SLC6A11: variants seen among roughly 807,000 people sequenced by gnomAD.
SLC6A11 encodes sodium- and chloride-dependent GABA transporter 3.
In SLC6A11, 25 loss-of-function variants were observed where a neutral mutation model predicts 74.8. The observed-to-expected ratio is 0.33, with a 90% CI of 0.24 to 0.47. The LOEUF (loss-of-function observed/expected upper bound fraction) is 0.47, where lower values mean the gene tolerates loss of function less well. Among genes scored for constraint, SLC6A11 ranks in the 20% least tolerant of loss-of-function variants. SLC6A11 has a pLI of 1.00. For missense variants in SLC6A11, 574 were observed against 837.0 expected, an observed-to-expected ratio of 0.69 and a Z score of 3.88; for synonymous variants, 330 against 330.2, an observed-to-expected ratio of 1.00 and a Z score of 0.01.
intron 5 of SLC6A11, among the ~76,000 whole-genome samples, chr3:10,847,317 T>C (rs898857264): frequency 1.1e-4 from 17 of 152,164 alleles, no homozygotes; most frequent in African/African-American, 3.9e-4. Context: ...TATAAAGAGG[T>C]ATTTAATGAG....
intron 5 of SLC6A11, among the ~76,000 whole-genome samples, chr3:10,864,827 G>A (rs1694744939): frequency 6.6e-6 from 1 of 152,208 alleles, no homozygotes; most frequent in Non-Finnish European, 1.5e-5. Flanking sequence ...CCAAACAGCT[G>A]TGTGTGCTTC....
At chr3:10,864,257 C>T (rs1469876612) in intron 5 of SLC6A11, among the ~76,000 whole-genome samples, 1 of 151,674 alleles carries the variant, frequency 6.6e-6, no homozygotes, top group Non-Finnish European at 1.5e-5. Context: ...TGACACTATT[C>T]CCTAAGCTCT....
chr3:10,858,029 T>C (rs966695934), intron 5 of SLC6A11, among the ~76,000 whole-genome samples: 3 of 152,212 alleles, frequency 2.0e-5, no homozygotes, highest in African/African-American at 7.2e-5. Flanking sequence ...CTATACTTTT[T>C]CTCCATGTTT....
chr3:10,928,712 G>A (rs539869651), intron 9 of SLC6A11, among the ~76,000 whole-genome samples: 1 of 152,192 alleles, frequency 6.6e-6, no homozygotes, highest in African/African-American at 2.4e-5. Context: ...GAAAGAAAGG[G>A]CAGGGAAGCG....
intron 5 of SLC6A11, among the ~76,000 whole-genome samples, chr3:10,873,592 A>G (rs1260944675): frequency 7.0e-6 from 1 of 142,252 alleles, no homozygotes; most frequent in South Asian, 2.4e-4. Flanking sequence ...ACGCTATCCT[A>G]TCCTATCCTA....
At chr3:10,889,174 C>T (rs773990142) in intron 6 of SLC6A11, among the ~76,000 whole-genome samples, 8 of 152,090 alleles carry the variant, frequency 5.3e-5, no homozygotes, top group Non-Finnish European at 1.2e-4. Flanking sequence ...CTCCCATATA[C>T]ACCCCACACC....
Position 10,925,806 on chromosome 3 carries a change from C to T in SLC6A11, c.1121-198C>T, listed in dbSNP as rs112500885. On this transcript the variant is annotated intron_variant, in intron 8 of 13. Transcript: ENST00000254488. ...CAAGGCCCTTGTTTACCTCTTTCTGCCTCAACTTGCTCATCTGCAAAATGG... is the reference window on the plus strand; with the variant it reads ...CAAGGCCCTTGTTTACCTCTTTCTGTCTCAACTTGCTCATCTGCAAAATGG... 5.9e-5 allele frequency among the ~76,000 whole-genome samples: 9 copies of T among 152,300 alleles called. 1 individual carries two copies. Among genetic ancestry groups the T allele is most frequent in the African/African-American group, 2.2e-4 (9 of 41,550 alleles).
At chr3:10,889,451 C>T (rs1695083158) in intron 6 of SLC6A11, among the ~76,000 whole-genome samples, 1 of 152,140 alleles carries the variant, frequency 6.6e-6, no homozygotes. Context: ...CTGTGCTCTG[C>T]CTGTTCAGCC....
intron 6 of SLC6A11, among the ~76,000 whole-genome samples, 197 bp from the exon 7 acceptor site, chr3:10,911,893 A>T (rs908357645): frequency 6.6e-6 from 1 of 152,188 alleles, no homozygotes; most frequent in Non-Finnish European, 1.5e-5. Flanking sequence ...TTAATTGAGG[A>T]CATTTACACT....
intron 5 of SLC6A11, among the ~76,000 whole-genome samples, chr3:10,872,511 C>T (rs1694839493): frequency 6.6e-6 from 1 of 152,242 alleles, no homozygotes; most frequent in Admixed American, 6.5e-5. Flanking sequence ...TCTGTCTGTG[C>T]TCTTCCATTC....
At chr3:10,862,296 A>C (rs1321895527) in intron 5 of SLC6A11, among the ~76,000 whole-genome samples, 3 of 152,108 alleles carry the variant, frequency 2.0e-5, no homozygotes, top group Non-Finnish European at 4.4e-5. Context: ...TTGGCTGGGC[A>C]CTGTTGGAAT....
intron 6 of SLC6A11, among the ~76,000 whole-genome samples, chr3:10,909,836 A>G (rs1186139283): frequency 1.3e-5 from 2 of 152,238 alleles, no homozygotes; most frequent in Non-Finnish European, 2.9e-5. Context: ...AATTAAAAAT[A>G]CAACCACTTC....
intron 5 of SLC6A11, among the ~76,000 whole-genome samples, chr3:10,849,359 T>C (rs1217173044): frequency 6.6e-6 from 1 of 152,216 alleles, no homozygotes; most frequent in Non-Finnish European, 1.5e-5. Context: ...TCCTATGTCA[T>C]TGTTTTTTTT....
In SLC6A11 at chr3:10,903,729, G is replaced by C. The variant is rs117173911; in HGVS notation, c.892-8361G>C. Among the ~76,000 whole-genome samples the C allele has an allele frequency of 3.2e-4, 48 of 152,240 alleles. No homozygotes were observed. In the East Asian group the frequency reaches 9.1e-3, roughly 29 times the overall value. ...TGCTGCTCATGAGGGCTTCTGGCTGGGTTTCTGAATACTCTCCAGAGTATT... is the reference window on the plus strand; with the variant it reads ...TGCTGCTCATGAGGGCTTCTGGCTGCGTTTCTGAATACTCTCCAGAGTATT... On this transcript the variant is annotated intron_variant, in intron 6 of 13. Coordinates refer to ENST00000254488, the MANE Select transcript of SLC6A11 (RefSeq NM_014229.3).
At chr3:10,837,297 T>A (rs1694379543) in intron 4 of SLC6A11, among the ~76,000 whole-genome samples, 1 of 152,054 alleles carries the variant, frequency 6.6e-6, no homozygotes, top group Non-Finnish European at 1.5e-5. Flanking sequence ...AAGAGTAGGA[T>A]TTTGCAGGGA....
intron 7 of SLC6A11, among the ~76,000 whole-genome samples, chr3:10,917,406 T>C (rs1277326430): frequency 1.3e-5 from 2 of 152,200 alleles, no homozygotes; most frequent in African/African-American, 4.8e-5. Context: ...TGGAGGCTAG[T>C]CATGCCTCTG....
At position 10,915,377 on chromosome 3, in the gene SLC6A11, G is replaced by A. The variant is rs1384743808; in HGVS notation, c.996-2952G>A. Among the ~76,000 whole-genome samples the A allele has an allele frequency of 2.0e-5, 3 of 152,154 alleles. No homozygotes were observed. The highest frequency in any genetic ancestry group is 4.4e-5 in the Non-Finnish European group (3 of 68,044). On this transcript the variant is annotated intron_variant, in intron 7 of 13. Transcript: ENST00000254488. This position sits in a 1 kb window ranked among gnomAD's most constrained non-coding sequence, Gnocchi z 4.3. ...CAGCAGAAGAAAGCAAATCCCCTGGGTGGCAATGCAAAAATTAGAAAATTC... is the reference window on the plus strand; with the variant it reads ...CAGCAGAAGAAAGCAAATCCCCTGGATGGCAATGCAAAAATTAGAAAATTC...
chr3:10,848,452 T>A (rs1694532252), intron 5 of SLC6A11, among the ~76,000 whole-genome samples: 1 of 152,208 alleles, frequency 6.6e-6, no homozygotes, highest in Admixed American at 6.5e-5. Flanking sequence ...GCTAGGCATG[T>A]GGGATTTTCC....
intron 9 of SLC6A11, among the ~76,000 whole-genome samples, chr3:10,928,919 G>A (rs932922295): frequency 7.9e-5 from 12 of 152,180 alleles, no homozygotes; most frequent in Admixed American, 2.0e-4. Context: ...ACTAGATTTG[G>A]AGTCTGGAGA....
Sources: gnomAD v4.1 joint callset for allele counts (sites outside exome capture counted in the v4.1 genomes callset) on GRCh38, gnomAD v4.1.1 for gene constraint, Gnocchi (gnomAD v3.1) non-coding constraint, MANE v1.5 for transcripts, NCBI Gene and HGNC (gene_info 2026-07-23, HGNC 2026-07-21) for gene names.